The following RRP1B variants were observed in gnomAD, a reference collection of about 807,000 sequenced individuals.
RRP1B encodes the protein ribosomal RNA processing protein 1 homolog B.
Under a neutral mutation model 80.2 loss-of-function variants are expected in RRP1B, and 56 were observed. That is an observed-to-expected ratio of 0.70 (90% confidence interval 0.56 to 0.87). The LOEUF (loss-of-function observed/expected upper bound fraction) is 0.87. Ranked by LOEUF, RRP1B falls within the 40% of genes least tolerant of loss-of-function variation. The pLI, the probability that RRP1B is intolerant of heterozygous loss-of-function variation, is 0.00. For synonymous variants in RRP1B, 351 were observed against 357.6 expected (o/e 0.98, Z 0.21); for missense variants, 807 against 939.8 (o/e 0.86, Z 1.85).
Position 43,659,802 on chromosome 21 carries a change from C to T in RRP1B, c.130+8C>T. 6.7e-7 allele frequency: 1 copy of T among 1,494,578 alleles called. No individual in the cohort carries two copies. Among genetic ancestry groups the T allele is most frequent in the Non-Finnish European group, 9.0e-7 (1 of 1,116,198 alleles). The allele number at this position is 1,494,578 out of a possible 1,614,324, so 92.6% of individuals were successfully genotyped here. A position where few individuals can be genotyped will look rare whatever the true frequency, so the allele number is the denominator to read the frequency against. ...AGACGCAGAGGGAGACAGGTGGGCG[C>T]ACGGCCGCGGTCAGCCGCGCCACAT... On this transcript the variant is annotated splice_region_variant and intron_variant, in intron 1 of 15. Coordinates refer to ENST00000340648, the MANE Select transcript of RRP1B (RefSeq NM_015056.3). This position sits in a 1 kb window ranked among gnomAD's most constrained non-coding sequence, Gnocchi z 4.2.
In RRP1B at chr21:43,694,691, C is replaced by A. The variant is rs2083100670; in HGVS notation, c.*1308C>A. On this transcript the variant is annotated 3_prime_UTR_variant, in exon 16 of 16. Coordinates refer to ENST00000340648, the MANE Select transcript of RRP1B (RefSeq NM_015056.3). The stretch of plus-strand genomic sequence containing the variant: ...GCCGCCTCCTTCCCGTTATGCCCCC[C>A]ATACAGGAGCCTCGGTTTTTCAGCA... The A allele has an allele frequency of 6.6e-6, 1 of 152,336 alleles. No homozygotes were observed. Among genetic ancestry groups the A allele is most frequent in the Admixed American group, 6.5e-5 (1 of 15,282 alleles). The allele number at this position is 152,336 out of a possible 1,614,324, so 9.4% of individuals were successfully genotyped here.
At chr21:43,690,582 G>A in intron 14 of RRP1B, 142 bp downstream of exon 14, 1 of 921,232 alleles carries the variant, frequency 1.1e-6, no homozygotes, top group Middle Eastern at 3.5e-4. Context: ...TCCACGGCCA[G>A]GGTAGCATAA....
rs996376685 is a variant in RRP1B, at chr21:43,674,565, G to A, written c.358-71G>A. On this transcript the variant is annotated intron_variant, in intron 4 of 15. Transcript: ENST00000340648. Reference sequence around the variant, plus strand: ...ATTGGTCCCTTCATTCTGCTGAGCTGATTAATATTTCTTACCTTTCCTTTT... The same window carrying A: ...ATTGGTCCCTTCATTCTGCTGAGCTAATTAATATTTCTTACCTTTCCTTTT... 6.3e-6 allele frequency: 7 copies of A among 1,112,900 alleles called. No homozygotes were observed. In the African/African-American group the frequency reaches 1.2e-4, roughly 18 times the overall value. 68.9% of individuals were successfully genotyped at this position (1,112,900 alleles called of 1,614,324 possible). A position where few individuals can be genotyped will look rare whatever the true frequency, so the allele number is the denominator to read the frequency against.
At chr21:43,673,691 A>G (rs1167831475) in intron 3 of RRP1B, among the ~76,000 whole-genome samples, 179 bp from the exon 4 acceptor site, 1 of 152,184 alleles carries the variant, frequency 6.6e-6, no homozygotes, top group East Asian at 1.9e-4. Context: ...TGTTTAATAA[A>G]TAAGTGTAAA....
In RRP1B at chr21:43,679,027, G is replaced by A. The variant is rs372070230; in HGVS notation, c.796+2113G>A. Among the ~76,000 whole-genome samples, 18 of 152,094 alleles carry A rather than the reference G, an allele frequency of 1.2e-4. No homozygotes were observed. In the East Asian group the frequency reaches 3.3e-3, roughly 28 times the overall value. On this transcript the variant is annotated intron_variant, in intron 8 of 15. Coordinates refer to ENST00000340648, the MANE Select transcript of RRP1B (RefSeq NM_015056.3). Reference sequence around the variant, plus strand: ...GAATAGGGTGTCCTTTCCCCACTTCGTTTTTGTTTGCTTGGTTGAGGATCA... The same window carrying A: ...GAATAGGGTGTCCTTTCCCCACTTCATTTTTGTTTGCTTGGTTGAGGATCA...
rs2083072064 is a variant in RRP1B, at chr21:43,688,184, A to G, written c.1810A>G (p.Asn604Asp). Residue 604 changes from asparagine (N) to aspartate (D), a missense_variant, in exon 13 of 16, where the codon AAC becomes GAC. Physicochemically the swap from Asn to Asp is conservative, Grantham distance 23 (BLOSUM62 1). Coordinates refer to ENST00000340648, the MANE Select transcript of RRP1B (RefSeq NM_015056.3). ...GAGGAAGAAAATGAGAGTGATGTCAAACTTGGTGGAGCACAACGGGGTGCT... is the reference window on the plus strand; with the variant it reads ...GAGGAAGAAAATGAGAGTGATGTCAGACTTGGTGGAGCACAACGGGGTGCT... ...KKRKKMRVMS[N>D]LVEHNGVLES... 1 of 1,575,776 alleles carries G rather than the reference A, an allele frequency of 6.3e-7. No individual in the cohort carries two copies.
rs755759772 is a variant in RRP1B, at chr21:43,687,858, A to T, written c.1484A>T (p.Glu495Val). 4 of 1,613,230 alleles carry T rather than the reference A, an allele frequency of 2.5e-6. No homozygotes were observed. Among genetic ancestry groups the T allele is most frequent in the Non-Finnish European group, 3.4e-6 (4 of 1,180,052 alleles). The change falls in exon 13 of 16, where the codon GAG becomes GTG. Residue 495 changes from glutamate (E) to valine (V), a missense_variant. By Grantham distance (121) the Glu-to-Val change is moderately radical. Transcript: ENST00000340648. ...TTGGAATCAGCAGTGTTGCCCCCAG[A>T]GGACATGTCTCAGAGTGGCCCGAGT... is the stretch of plus-strand genomic sequence containing the variant. ...EMLESAVLPP[E>V]DMSQSGPSGS...
intron 10 of RRP1B, among the ~76,000 whole-genome samples, chr21:43,685,148 G>A (rs2083058169): frequency 6.6e-6 from 1 of 152,154 alleles, no homozygotes; most frequent in Non-Finnish European, 1.5e-5. Context: ...ACAACTGTCT[G>A]ATCACACTCT....
chr21:43,693,623 T>G lies in RRP1B; in HGVS notation c.*240T>G, dbSNP rs2083095771. On this transcript the variant is annotated 3_prime_UTR_variant, in exon 16 of 16. Coordinates refer to ENST00000340648, the MANE Select transcript of RRP1B (RefSeq NM_015056.3). This position sits in a 1 kb window ranked among gnomAD's most constrained non-coding sequence, Gnocchi z 4.1. ...TGAGCTCTCCAGGATTTTACATTTT[T>G]GGGTAACCTCAGTGATTCCCATTGG... The G allele has an allele frequency of 2.3e-6, 1 of 438,692 alleles. No homozygotes were observed. The highest frequency in any genetic ancestry group is 4.0e-6 in the Non-Finnish European group (1 of 251,624). The allele number at this position is 438,692 out of a possible 1,614,324, so 27.2% of individuals were successfully genotyped here.
At chr21:43,666,074 G>A (rs756497684) in intron 1 of RRP1B, among the ~76,000 whole-genome samples, 1 of 152,228 alleles carries the variant, frequency 6.6e-6, no homozygotes, top group Admixed American at 6.5e-5. Flanking sequence ...TTCAAGCAGG[G>A]TGTGGAGGGA....
At position 43,687,541 on chromosome 21, in the gene RRP1B, A is replaced by C. The variant is rs772019857; in HGVS notation, c.1167A>C (p.Glu389Asp). ...GAAGCAGAGTCTTTTGTGTAGAGGA[A>C]GAGGACAGTGAAAGCAGTCTTCAAA... ...EKGSRVFCVEEEDSESSLQKR... is the reference protein window; with the variant it reads ...EKGSRVFCVEDEDSESSLQKR... Residue 389 changes from glutamate to aspartate, a missense_variant, in exon 13 of 16, where the codon GAA becomes GAC. Transcript: ENST00000340648. 1 of 1,496,668 alleles carries C rather than the reference A, an allele frequency of 6.7e-7. No homozygotes were observed. The highest frequency in any genetic ancestry group is 8.8e-7 in the Non-Finnish European group (1 of 1,131,020). The allele number at this position is 1,496,668 out of a possible 1,614,324, so 92.7% of individuals were successfully genotyped here. A position where few individuals can be genotyped will look rare whatever the true frequency, so the allele number is the denominator to read the frequency against.
At chr21:43,683,545 A>T (rs2083051589) in intron 9 of RRP1B, among the ~76,000 whole-genome samples, 172 bp downstream of exon 9, 1 of 152,180 alleles carries the variant, frequency 6.6e-6, no homozygotes, top group Admixed American at 6.6e-5. Context: ...GAGACAAGGA[A>T]ATGTAAATAT....
At position 43,693,147 on chromosome 21, in the gene RRP1B, G is replaced by A; in HGVS notation, c.2084-43G>A. On this transcript the variant is annotated intron_variant, in intron 15 of 15. Coordinates refer to ENST00000340648, the MANE Select transcript of RRP1B (RefSeq NM_015056.3). This position sits in a 1 kb window ranked among gnomAD's most constrained non-coding sequence, Gnocchi z 4.1. ...TGTCTAAGGTGTTGAAGGGACAGCT[G>A]TCGGACCCACTTAATATGGGGCCTT... The A allele has an allele frequency of 1.2e-6, 2 of 1,605,146 alleles. No individual in the cohort carries two copies. The highest frequency in any genetic ancestry group is 1.7e-6 in the Non-Finnish European group (2 of 1,173,652).
intron 8 of RRP1B, among the ~76,000 whole-genome samples, chr21:43,680,324 C>T (rs1374437788): frequency 9.2e-5 from 14 of 151,864 alleles, no homozygotes; most frequent in Non-Finnish European, 5.9e-5. Context: ...CTTTGGGAGG[C>T]GGAGACAGGT....
At chr21:43,677,210 T>G (rs2083026464) in intron 8 of RRP1B, among the ~76,000 whole-genome samples, 1 of 152,200 alleles carries the variant, frequency 6.6e-6, no homozygotes, top group Non-Finnish European at 1.5e-5. Flanking sequence ...GCTTTTTGTT[T>G]GCTTTGTTGT....
At chr21:43,688,326 T>TG in intron 13 of RRP1B, 86 bp downstream of exon 13, 1 of 1,442,238 alleles carries the variant, frequency 6.9e-7, no homozygotes, top group Middle Eastern at 2.6e-4. Context: ...AGAGGAAGGG[T>TG]GGGGGCTGGC....
intron 13 of RRP1B, among the ~76,000 whole-genome samples, chr21:43,689,116 C>G (rs2083076117): frequency 6.6e-6 from 1 of 152,274 alleles, no homozygotes; most frequent in African/African-American, 2.4e-5. Context: ...CCTGGGCTTC[C>G]AGGCCAGGGC....
At chr21:43,672,398 A>G in intron 3 of RRP1B, 33 bp downstream of exon 3, 5 of 1,586,776 alleles carry the variant, frequency 3.2e-6, no homozygotes, top group Middle Eastern at 1.7e-4. Flanking sequence ...CTTCCTTCCA[A>G]GTTTTCCGAC....
rs2083016469 is a variant in RRP1B, at chr21:43,675,109, A to T, written c.495A>T (p.Arg165Ser). ...AGAGTCAGTCTCCTAATGGAGTGAGATTCCACTTCATTGATATTTACCTGG... is the reference window on the plus strand; with the variant it reads ...AGAGTCAGTCTCCTAATGGAGTGAGTTTCCACTTCATTGATATTTACCTGG... ...CPESQSPNGVRFHFIDIYLDE... is the reference protein window; with the variant it reads ...CPESQSPNGVSFHFIDIYLDE... Residue 165 changes from arginine (R) to serine (S), a missense_variant, in exon 6 of 16, where the codon AGA becomes AGT. Arg to Ser is a moderately radical substitution (Grantham distance 110, BLOSUM62 -1). Coordinates refer to ENST00000340648, the MANE Select transcript of RRP1B (RefSeq NM_015056.3). The T allele has an allele frequency of 6.2e-7, 1 of 1,613,950 alleles. No individual in the cohort carries two copies. The highest frequency in any genetic ancestry group is 1.1e-5 in the South Asian group (1 of 91,068).
Sources: gnomAD v4.1 joint callset for allele counts (sites outside exome capture counted in the v4.1 genomes callset) on GRCh38, gnomAD v4.1.1 for gene constraint, Gnocchi (gnomAD v3.1) non-coding constraint, MANE v1.5 for transcripts, NCBI Gene and HGNC (gene_info 2026-07-23, HGNC 2026-07-21) for gene names.